Variants in NRXN3 observed in about 807,000 individuals in gnomAD.
NRXN3 encodes the protein neurexin 3.
Under a neutral mutation model 137.6 loss-of-function variants are expected in NRXN3, and 32 were observed. That is an observed-to-expected ratio of 0.23 (90% CI 0.18 to 0.31). The LOEUF (loss-of-function observed/expected upper bound fraction) is 0.31. Ranked by LOEUF, NRXN3 falls within the 10% of genes least tolerant of loss-of-function variation. The pLI, the probability that NRXN3 is intolerant of heterozygous loss-of-function variation, is 1.00. For synonymous variants in NRXN3, 798 were observed against 784.5 expected (o/e 1.02, Z -0.29); for missense variants, 1,574 against 2,062.5 (o/e 0.76, Z 4.59).
At chr14:79,143,998 A>G (rs1325930805) in intron 15 of NRXN3, among the ~76,000 whole-genome samples, 1 of 152,208 alleles carries the variant, frequency 6.6e-6, no homozygotes, top group Non-Finnish European at 1.5e-5. Context: ...AGGCAAAAAG[A>G]TAGAATAATG....
intron 16 of NRXN3, among the ~76,000 whole-genome samples, chr14:79,563,487 C>T (rs1012064898): frequency 3.9e-5 from 6 of 151,954 alleles, no homozygotes; most frequent in Non-Finnish European, 5.9e-5. Flanking sequence ...AGATATTTAA[C>T]GTCCTGAAAA....
intron 15 of NRXN3, among the ~76,000 whole-genome samples, chr14:79,287,066 C>T (rs939289549): frequency 3.0e-4 from 46 of 152,110 alleles, no homozygotes; most frequent in African/African-American, 1.1e-3. Flanking sequence ...CAATGTTGAT[C>T]ATTTGCTGGT....
At chr14:78,377,447 A>G (rs576720351) in intron 4 of NRXN3, among the ~76,000 whole-genome samples, 1 of 152,244 alleles carries the variant, frequency 6.6e-6, no homozygotes, top group Non-Finnish European at 1.5e-5. Context: ...ATTCGCAGTT[A>G]TGGTTGGAGG....
intron 19 of NRXN3, among the ~76,000 whole-genome samples, chr14:79,753,554 A>G (rs973424883): frequency 9.4e-6 from 1 of 106,596 alleles, no homozygotes; most frequent in Non-Finnish European, 1.7e-5. Flanking sequence ...GGAACATCAC[A>G]CTCTGGGGAC....
At chr14:78,308,366 C>T (rs2077584477) in intron 4 of NRXN3, among the ~76,000 whole-genome samples, 1 of 152,084 alleles carries the variant, frequency 6.6e-6, no homozygotes, top group South Asian at 2.1e-4. Context: ...ATTTCCTAAG[C>T]TTTATGGTAA....
intron 16 of NRXN3, among the ~76,000 whole-genome samples, chr14:79,659,869 C>G (rs2098524755): frequency 6.6e-6 from 1 of 152,156 alleles, no homozygotes; most frequent in African/African-American, 2.4e-5. Flanking sequence ...CTCCAAAAAT[C>G]AGAGTGTTTT....
intron 10 of NRXN3, among the ~76,000 whole-genome samples, chr14:78,909,385 C>T (rs751768651): frequency 4.6e-5 from 7 of 152,108 alleles, no homozygotes; most frequent in Non-Finnish European, 8.8e-5. Flanking sequence ...ACTTTCTGAA[C>T]GTCCAAATAA....
At chr14:78,298,197 C>T (rs2076537069) in intron 4 of NRXN3, among the ~76,000 whole-genome samples, 1 of 152,228 alleles carries the variant, frequency 6.6e-6, no homozygotes, top group South Asian at 2.1e-4. Flanking sequence ...TTCAGAGCAA[C>T]CAAGCGGTTA....
chr14:79,545,392 A>G (rs1199144096), intron 16 of NRXN3, among the ~76,000 whole-genome samples: 9 of 152,114 alleles, frequency 5.9e-5, no homozygotes. Flanking sequence ...GTTGTTTTTA[A>G]AAATGAACAA....
At chr14:78,265,108 GT>G (rs1264429136) in intron 2 of NRXN3, among the ~76,000 whole-genome samples, 3 of 152,190 alleles carry the variant, frequency 2.0e-5, no homozygotes, top group Middle Eastern at 3.2e-3. Context: ...TACTAAAAAT[GT>G]TTTATTGCAT....
At chr14:78,550,551 AT>A (rs2096678550) in intron 4 of NRXN3, among the ~76,000 whole-genome samples, 1 of 151,656 alleles carries the variant, frequency 6.6e-6, no homozygotes, top group Non-Finnish European at 1.5e-5. Flanking sequence ...CAAAAAAAAA[AT>A]TCATGCCAGA....
At chr14:78,228,073 G>A (rs1796256683) in intron 1 of NRXN3, among the ~76,000 whole-genome samples, 1 of 151,924 alleles carries the variant, frequency 6.6e-6, no homozygotes, top group African/African-American at 2.4e-5. Context: ...GAGATGGGGA[G>A]AGTGAAGAAT....
chr14:79,858,073 T>A (rs941069914), intron 20 of NRXN3, among the ~76,000 whole-genome samples: 6 of 152,198 alleles, frequency 3.9e-5, no homozygotes, highest in African/African-American at 1.2e-4. Context: ...TCACCAGGCT[T>A]TTAGAAGCTC....
intron 10 of NRXN3, among the ~76,000 whole-genome samples, chr14:78,916,836 G>C (rs922092861): frequency 8.5e-5 from 13 of 152,150 alleles, no homozygotes; most frequent in African/African-American, 2.7e-4. Context: ...CTGAGTTGGT[G>C]CCTTTTGAGG....
Position 79,776,609 on chromosome 14 carries a change from C to T in NRXN3, c.4015-28503C>T, listed in dbSNP as rs530334115. ...CCCTATAGTTAATGCACTTCTCTGA[C>T]GTAGAGGACTGAGCTCTCTATAGAA... On this transcript the variant is annotated intron_variant, in intron 19 of 20. Transcript: ENST00000335750. Among the ~76,000 whole-genome samples, 27 of 152,216 alleles carry T rather than the reference C, an allele frequency of 1.8e-4. No individual in the cohort carries two copies. The East Asian group carries it at 1.9e-3, about 11-fold the overall frequency.
At chr14:78,952,442 C>T (rs150269056) in intron 10 of NRXN3, among the ~76,000 whole-genome samples, 7 of 152,254 alleles carry the variant, frequency 4.6e-5, no homozygotes, top group East Asian at 3.9e-4. Flanking sequence ...TCCTTATCAT[C>T]CCTGCTTTTA....
At chr14:79,530,806 G>A (rs1186105231) in intron 16 of NRXN3, among the ~76,000 whole-genome samples, 1 of 152,008 alleles carries the variant, frequency 6.6e-6, no homozygotes. Context: ...TTTTTAGAAT[G>A]GAAAATGGGA....
intron 15 of NRXN3, among the ~76,000 whole-genome samples, chr14:79,057,182 G>T (rs927279436): frequency 2.0e-5 from 3 of 152,166 alleles, no homozygotes; most frequent in African/African-American, 7.2e-5. Context: ...TGCTATAAGT[G>T]ATGTCTGAGA....
At chr14:79,486,659 G>A (rs577929021) in intron 16 of NRXN3, among the ~76,000 whole-genome samples, 7 of 152,270 alleles carry the variant, frequency 4.6e-5, no homozygotes, top group African/African-American at 1.7e-4. Context: ...CCTACCTATG[G>A]TTACAGAGTT....
Sources: allele counts gnomAD v4.1 joint callset (sites outside exome capture counted in the v4.1 genomes callset), GRCh38; gene constraint gnomAD v4.1.1; transcripts MANE v1.5; gene names NCBI Gene and HGNC (gene_info 2026-07-23, HGNC 2026-07-21).